SHMT1: variants seen among roughly 807,000 people sequenced by gnomAD.
SHMT1 encodes serine hydroxymethyltransferase 1, also known as serine hydroxymethyltransferase, cytosolic.
Under a neutral mutation model 49.0 loss-of-function variants are expected in SHMT1, and 45 were observed. That is an observed-to-expected ratio of 0.92 (90% CI 0.72 to 1.18). The LOEUF (loss-of-function observed/expected upper bound fraction) is 1.18. SHMT1 is among the 50% of genes most tolerant of loss of function. The pLI, the probability that SHMT1 is intolerant of heterozygous loss-of-function variation, is 0.00. For missense variants in SHMT1, 541 were observed against 612.4 expected (o/e 0.88, Z 1.23); for synonymous variants, 232 against 246.6 (o/e 0.94, Z 0.55).
intron 7 of SHMT1, among the ~76,000 whole-genome samples, chr17:18,338,547 C>T (rs1236037240): frequency 4.6e-5 from 7 of 152,316 alleles, no homozygotes; most frequent in Admixed American, 1.3e-4. Context: ...GCCGCCACCC[C>T]GTCTGGGAGG....
rs1984960353 is a variant in SHMT1, at chr17:18,345,238, A to C, written c.519+2258T>G. Among the ~76,000 whole-genome samples the C allele has an allele frequency of 2.6e-5, 4 of 152,230 alleles. No individual in the cohort carries two copies. In the South Asian group the frequency reaches 8.3e-4, roughly 32 times the overall value. On this transcript the variant is annotated intron_variant, in intron 5 of 11. Transcript: ENST00000316694. ...TCAAAGACGGGGGTGGCTGGAGGGA[A>C]CTGGGTGCGGGACGCAGATTCTTTC...
Position 18,339,973 on chromosome 17 carries a change from C to T in SHMT1, c.814+70G>A, listed in dbSNP as rs1411220936. Reference sequence around the variant, plus strand: ...TCAGAGTTTTTCCCAGCTCCCTCAACTGAATCTGAACCCCCACAGGAGAAA... The same window carrying T: ...TCAGAGTTTTTCCCAGCTCCCTCAATTGAATCTGAACCCCCACAGGAGAAA... On this transcript the variant is annotated intron_variant, in intron 7 of 11. Coordinates refer to ENST00000316694, the MANE Select transcript of SHMT1 (RefSeq NM_004169.5). 75 of 1,490,914 alleles carry T rather than the reference C, an allele frequency of 5.0e-5. 1 individual carries two copies. The highest frequency in any genetic ancestry group is 5.1e-5 in the Non-Finnish European group (55 of 1,082,468). The allele number at this position is 1,490,914 out of a possible 1,614,324, so 92.4% of individuals were successfully genotyped here.
chr17:18,333,137 G>A (rs368922573), intron 9 of SHMT1, 29 bp downstream of exon 9: 7 of 1,613,342 alleles, frequency 4.3e-6, no homozygotes, highest in South Asian at 2.2e-5. Context: ...CACAAGAACA[G>A]GCCTGCTGAA....
At chr17:18,335,232 A>G (rs1598020537) in intron 8 of SHMT1, among the ~76,000 whole-genome samples, 1 of 152,220 alleles carries the variant, frequency 6.6e-6, no homozygotes, top group African/African-American at 2.4e-5. Context: ...CTCATCCTGC[A>G]GGGTCTGGAC....
chr17:18,330,635 C>T lies in SHMT1; in HGVS notation c.1091G>A (p.Arg364His), dbSNP rs141263245. 52 of 1,613,910 alleles carry T rather than the reference C, an allele frequency of 3.2e-5. No individual in the cohort carries two copies. The Admixed American group carries it at 7.2e-4, about 22-fold the overall frequency. The change falls in exon 10 of 12, where the codon CGT becomes CAT. Residue 364 changes from arginine (R) to histidine (H), a missense_variant. Physicochemically the swap from Arg to His is conservative, Grantham distance 29. Transcript: ENST00000316694. ...SDNHLILVDL[R>H]SKGTDGGRAE... ...CCTTCCACCATCTGTGCCTTTGGAACGGAGATCCACAAGGATCAAATGGTT... is the reference window on the plus strand; with the variant it reads ...CCTTCCACCATCTGTGCCTTTGGAATGGAGATCCACAAGGATCAAATGGTT...
chr17:18,339,650 T>A (rs1984264444), intron 7 of SHMT1, among the ~76,000 whole-genome samples: 1 of 151,876 alleles, frequency 6.6e-6, no homozygotes, highest in Admixed American at 6.6e-5. Context: ...AAGCTCCACC[T>A]CCCAGGCTCA....
intron 3 of SHMT1, among the ~76,000 whole-genome samples, chr17:18,350,820 C>T (rs1985609799): frequency 6.6e-6 from 1 of 151,424 alleles, no homozygotes; most frequent in Admixed American, 6.6e-5. Context: ...GCAACCTCCG[C>T]CTCCCAAGTT....
At chr17:18,361,162 T>C (rs1021299283) in intron 1 of SHMT1, among the ~76,000 whole-genome samples, 2 of 151,870 alleles carry the variant, frequency 1.3e-5, no homozygotes, top group South Asian at 2.1e-4. Flanking sequence ...AAAAATGAGC[T>C]GGGTGTGTGG....
chr17:18,355,827 T>C, intron 2 of SHMT1, 59 bp downstream of exon 2: 3 of 1,030,820 alleles, frequency 2.9e-6, no homozygotes, highest in Non-Finnish European at 4.6e-6. Flanking sequence ...TAATTAGAAC[T>C]AAAGATTAAA....
At chr17:18,341,974 T>C (rs981111978) in intron 5 of SHMT1, among the ~76,000 whole-genome samples, 4 of 152,192 alleles carry the variant, frequency 2.6e-5, no homozygotes, top group African/African-American at 9.7e-5. Flanking sequence ...GGCATCCATT[T>C]GGACAAAAAT....
At chr17:18,353,516 G>C in intron 3 of SHMT1, 156 bp downstream of exon 3, 1 of 822,994 alleles carries the variant, frequency 1.2e-6, no homozygotes, top group Non-Finnish European at 2.1e-6. Flanking sequence ...CACATGCTGG[G>C]AATAAAAGAG....
chr17:18,355,594 C>A (rs1483838731), intron 2 of SHMT1, among the ~76,000 whole-genome samples: 1 of 151,986 alleles, frequency 6.6e-6, no homozygotes, highest in Non-Finnish European at 1.5e-5. Context: ...TTTCAGATGT[C>A]TAGATAGATC....
intron 1 of SHMT1, among the ~76,000 whole-genome samples, chr17:18,360,074 C>G (rs534989409): frequency 6.6e-6 from 1 of 152,138 alleles, no homozygotes; most frequent in Admixed American, 6.6e-5. Context: ...ACAGCGAAAC[C>G]CCGTCTCTAC....
chr17:18,358,020 T>C (rs1177047716), intron 1 of SHMT1, among the ~76,000 whole-genome samples: 1 of 150,296 alleles, frequency 6.7e-6, no homozygotes, highest in East Asian at 2.0e-4. Flanking sequence ...CCCACCACCA[T>C]GCCTGGCTAA....
chr17:18,356,295 G>A (rs917203361), intron 1 of SHMT1, among the ~76,000 whole-genome samples: 1 of 152,024 alleles, frequency 6.6e-6, no homozygotes, highest in Admixed American at 6.6e-5. Context: ...GCCCACGTTG[G>A]CTTCCCAAAG....
Position 18,333,165 on chromosome 17 carries a change from C to T in SHMT1, c.1054+1G>A. The T allele has an allele frequency of 6.2e-7, 1 of 1,614,060 alleles. No individual in the cohort carries two copies. The highest frequency in any genetic ancestry group is 2.2e-5 in the East Asian group (1 of 44,890). ...CTGCTGAACACCATCTGTGTCTCTA[C>T]CTGTGACTATTTTGTAGCCCAGCTC... is the stretch of plus-strand genomic sequence containing the variant. On this transcript the variant is annotated splice_donor_variant, in intron 9 of 11. Coordinates refer to ENST00000316694, the MANE Select transcript of SHMT1 (RefSeq NM_004169.5). LOFTEE classifies it high-confidence loss of function.
At position 18,348,164 on chromosome 17, in the gene SHMT1, C is replaced by A. The variant is rs928425360; in HGVS notation, c.358+161G>T. 7 of 667,656 alleles carry A rather than the reference C, an allele frequency of 1.0e-5. No homozygotes were observed. The African/African-American group carries it at 1.1e-4, about 10-fold the overall frequency. The allele number at this position is 667,656 out of a possible 1,614,324, so 41.4% of individuals were successfully genotyped here. ...TGAACTGCCGGCCTCAGGTGGTCTG[C>A]CTGCCTCCGCCTCCCAAAGTGCTGG... On this transcript the variant is annotated intron_variant, in intron 4 of 11. Coordinates refer to ENST00000316694, the MANE Select transcript of SHMT1 (RefSeq NM_004169.5).
At chr17:18,357,520 T>C (rs1322901364) in intron 1 of SHMT1, among the ~76,000 whole-genome samples, 2 of 152,046 alleles carry the variant, frequency 1.3e-5, no homozygotes, top group Non-Finnish European at 2.9e-5. Context: ...AATGATAATG[T>C]AAGTACAGCA....
At position 18,348,301 on chromosome 17, in the gene SHMT1, A is replaced by C. The variant is rs763264987; in HGVS notation, c.358+24T>G. ...GGGATGCACATGAAGAGGCTGCACC[A>C]GGCCATATGGATGAGACAAGCACCT... On this transcript the variant is annotated intron_variant, in intron 4 of 11. Coordinates refer to ENST00000316694, the MANE Select transcript of SHMT1 (RefSeq NM_004169.5). The C allele has an allele frequency of 2.8e-6, 4 of 1,449,822 alleles. No homozygotes were observed. In the African/African-American group the frequency reaches 5.6e-5, roughly 20 times the overall value. 89.8% of individuals were successfully genotyped at this position (1,449,822 alleles called of 1,614,324 possible). A position where few individuals can be genotyped will look rare whatever the true frequency, so the allele number is the denominator to read the frequency against.
Sources: gnomAD v4.1 joint callset for allele counts (sites outside exome capture counted in the v4.1 genomes callset) on GRCh38, gnomAD v4.1.1 for gene constraint, MANE v1.5 for transcripts, NCBI Gene and HGNC (gene_info 2026-07-23, HGNC 2026-07-21) for gene names.